The following MAPK6 variants were observed in gnomAD, a reference collection of about 807,000 sequenced individuals.
MAPK6 encodes ERK-3.
Under a neutral mutation model 59.3 loss-of-function variants are expected in MAPK6, and 19 were observed. The ratio of observed to expected loss-of-function variants is 0.32; its 90% confidence interval spans 0.22 to 0.47. The LOEUF (loss-of-function observed/expected upper bound fraction) is 0.47. Ranked by LOEUF, MAPK6 falls within the 20% of genes least tolerant of loss-of-function variation. MAPK6 has a pLI of 1.00. For missense variants in MAPK6, 724 were observed against 847.9 expected (o/e 0.85, Z 1.81); for synonymous variants, 316 against 290.3 (o/e 1.09, Z -0.90).
intron 2 of MAPK6, among the ~76,000 whole-genome samples, chr15:51,991,679 G>A (rs2057209241): frequency 6.6e-6 from 1 of 152,202 alleles, no homozygotes; most frequent in Non-Finnish European, 1.5e-5. Context: ...TTCTCTGAGG[G>A]TCTAGGGTTG....
intron 2 of MAPK6, among the ~76,000 whole-genome samples, chr15:51,989,173 G>A (rs573711986): frequency 3.3e-5 from 5 of 150,940 alleles, no homozygotes; most frequent in South Asian, 2.1e-4. Flanking sequence ...TCTGCTTTCC[G>A]GGTTCAAGCA....
chr15:51,990,301 T>C (rs2057204086), intron 2 of MAPK6, among the ~76,000 whole-genome samples: 1 of 152,216 alleles, frequency 6.6e-6, no homozygotes, highest in African/African-American at 2.4e-5. Flanking sequence ...GAACAGATTA[T>C]GCAAATCCAT....
rs2032425590 is a variant in MAPK6 at position 52,066,508 on chromosome 15, A to G, written c.*1508A>G. On this transcript the variant is annotated 3_prime_UTR_variant, in exon 6 of 6. Coordinates refer to ENST00000261845, the MANE Select transcript of MAPK6 (RefSeq NM_002748.4). Reference sequence around the variant, plus strand: ...GAAAACTTGAGATTTGCTCTGTAATACATCTTTGCGTAAGAACTTACCCTT... The same window carrying G: ...GAAAACTTGAGATTTGCTCTGTAATGCATCTTTGCGTAAGAACTTACCCTT... 1.3e-5 allele frequency: 2 copies of G among 152,154 alleles called. No individual in the cohort carries two copies. The highest frequency in any genetic ancestry group is 2.9e-5 in the Non-Finnish European group (2 of 68,030). The allele number at this position is 152,154 out of a possible 1,614,324, so 9.4% of individuals were successfully genotyped here. A position where few individuals can be genotyped will look rare whatever the true frequency, so the allele number is the denominator to read the frequency against.
chr15:52,062,237 G>C (rs1170038080), intron 5 of MAPK6, among the ~76,000 whole-genome samples: 1 of 151,738 alleles, frequency 6.6e-6, no homozygotes, highest in African/African-American at 2.4e-5. Flanking sequence ...ATGTTGGCCA[G>C]GCTGGTCTCG....
chr15:52,021,299 C>A (rs182497672), intron 1 of MAPK6, among the ~76,000 whole-genome samples: 1 of 150,326 alleles, frequency 6.7e-6, no homozygotes, highest in Admixed American at 6.6e-5. Flanking sequence ...AGGAAGCTTA[C>A]AAGTGCTGCT....
At chr15:51,992,295 A>ATCTATCTATCTATCTATC (rs1186123368) in intron 2 of MAPK6, among the ~76,000 whole-genome samples, 9 of 84,622 alleles carry the variant, frequency 1.1e-4, no homozygotes, top group African/African-American at 4.5e-4. Flanking sequence ...ATCTATCTAT[A>ATCTATCTATCTATCTATC]TATATATATA....
At chr15:52,031,910 T>A (rs1178142048) in intron 1 of MAPK6, among the ~76,000 whole-genome samples, 2 of 152,168 alleles carry the variant, frequency 1.3e-5, no homozygotes, top group Non-Finnish European at 2.9e-5. Context: ...CAAATAATTT[T>A]TTTTTTTTGA....
chr15:52,047,080 T>G, intron 2 of MAPK6, 65 bp downstream of exon 2: 343 of 1,184,906 alleles, frequency 2.9e-4, no homozygotes, highest in Middle Eastern at 6.2e-4. Flanking sequence ...AATAGGTACT[T>G]ATATTTTCTT....
Position 52,046,616 on chromosome 15 carries a change from C to G in MAPK6, c.156C>G (p.Val52=), listed in dbSNP as rs1380758403. ...CDKRVAIKKI[V]LTDPQSVKHA... ...AAAGAGTAGCCATCAAGAAAATTGTCCTTACTGATCCCCAGAGTGTCAAAC... is the reference window on the plus strand; with the variant it reads ...AAAGAGTAGCCATCAAGAAAATTGTGCTTACTGATCCCCAGAGTGTCAAAC... The change falls in exon 2 of 6, where the codon GTC becomes GTG. Residue 52 remains valine (V), a synonymous_variant. Coordinates refer to ENST00000261845, the MANE Select transcript of MAPK6 (RefSeq NM_002748.4). 8.7e-6 allele frequency: 14 copies of G among 1,614,048 alleles called. No individual in the cohort carries two copies. The highest frequency in any genetic ancestry group is 1.2e-5 in the Non-Finnish European group (14 of 1,180,032).
chr15:52,015,292 C>T (rs1310375382), upstream of MAPK6, among the ~76,000 whole-genome samples: 2 of 151,268 alleles, frequency 1.3e-5, no homozygotes, highest in Non-Finnish European at 3.0e-5. Flanking sequence ...TGAGCCACCG[C>T]ACCCAGCCTA....
At chr15:51,977,294 C>T (rs191503895) in intron 1 of MAPK6, among the ~76,000 whole-genome samples, 249 of 151,754 alleles carry the variant, frequency 1.6e-3, no homozygotes, top group African/African-American at 5.8e-3. Context: ...TGAGCCACTG[C>T]GCCCGGCCGA....
At chr15:52,017,126 CTT>C (rs1413377847), upstream of MAPK6, 2 of 152,826 alleles carry the variant, frequency 1.3e-5, no homozygotes, top group African/African-American at 4.8e-5. Flanking sequence ...TTGACCTCCC[CTT>C]TGTCTCACGT....
intron 1 of MAPK6, among the ~76,000 whole-genome samples, chr15:52,031,067 T>A (rs990565376): frequency 6.6e-6 from 1 of 152,142 alleles, no homozygotes; most frequent in Non-Finnish European, 1.5e-5. Context: ...GTGCTGGGAT[T>A]ACAGGTGTGA....
upstream of MAPK6, among the ~76,000 whole-genome samples, chr15:52,016,065 C>CAT (rs1566899818): frequency 1.1e-5 from 1 of 88,414 alleles, no homozygotes; most frequent in African/African-American, 4.7e-5. Flanking sequence ...CGCGCGCGCG[C>CAT]GCGCGCACAC....
chr15:51,972,624 C>G (rs1472888346), intron 1 of MAPK6, among the ~76,000 whole-genome samples: 2 of 130,342 alleles, frequency 1.5e-5, no homozygotes, highest in African/African-American at 5.7e-5. Context: ...GAGATCGAGA[C>G]CATCCTGGCT....
intron 2 of MAPK6, among the ~76,000 whole-genome samples, chr15:52,049,530 G>T: frequency 6.7e-6 from 1 of 149,866 alleles, no homozygotes; most frequent in East Asian, 2.0e-4. Context: ...GTTTTACCAT[G>T]TTGCCCAGGC....
At chr15:51,999,334 A>C (rs111895128) in intron 2 of MAPK6, among the ~76,000 whole-genome samples, 2,801 of 152,298 alleles carry the variant, frequency 0.018, 88 homozygotes, top group African/African-American at 0.065. Flanking sequence ...AAGTGGGTAT[A>C]AAGTGGTATC....
chr15:52,005,032 G>C (rs930917412), intron 3 of MAPK6, among the ~76,000 whole-genome samples: 1 of 152,158 alleles, frequency 6.6e-6, no homozygotes, highest in Non-Finnish European at 1.5e-5. Flanking sequence ...ACTGTTGGAC[G>C]ACATTTCTTT....
chr15:52,034,682 T>A lies in MAPK6; in HGVS notation c.-631-11148T>A, dbSNP rs1365550763. The stretch of plus-strand genomic sequence containing the variant: ...GTTTTCAACAATTTCACTCTGTGCG[T>A]AGGTATTTTTGTTTGTTTGTCTGTT... On this transcript the variant is annotated intron_variant, in intron 1 of 5. Transcript: ENST00000261845. 2.0e-5 allele frequency among the ~76,000 whole-genome samples: 3 copies of A among 151,956 alleles called. No individual in the cohort carries two copies. The East Asian group carries it at 5.8e-4, about 29-fold the overall frequency.
Sources: allele counts gnomAD v4.1 joint callset (sites outside exome capture counted in the v4.1 genomes callset), GRCh38; gene constraint gnomAD v4.1.1; transcripts MANE v1.5; gene names NCBI Gene and HGNC (gene_info 2026-07-23, HGNC 2026-07-21).